The following JPH3 variants were observed in gnomAD, a reference collection of about 807,000 sequenced individuals.
JPH3 encodes the protein junctophilin-3.
In JPH3, 11 loss-of-function variants were observed where a neutral mutation model predicts 59.6. That is an observed-to-expected ratio of 0.18 (90% CI 0.12 to 0.31). The LOEUF (loss-of-function observed/expected upper bound fraction) is 0.31, where lower values mean the gene tolerates loss of function less well. Ranked by LOEUF, JPH3 falls within the 10% of genes least tolerant of loss-of-function variation. The pLI is 1.00. For missense variants in JPH3, 1,202 were observed against 1,105.7 expected, an observed-to-expected ratio of 1.09 and a Z score of -1.24; for synonymous variants, 673 against 483.6, an observed-to-expected ratio of 1.39 and a Z score of -5.14.
intron 2 of JPH3, among the ~76,000 whole-genome samples, chr16:87,646,003 C>T (rs2032135482): frequency 1.3e-5 from 2 of 152,220 alleles, no homozygotes; most frequent in African/African-American, 4.8e-5. Context: ...CAGACGAGGG[C>T]CCTTGGGGTA....
At chr16:87,629,150 G>T (rs370624075) in intron 1 of JPH3, among the ~76,000 whole-genome samples, 13 of 152,092 alleles carry the variant, frequency 8.5e-5, no homozygotes, top group African/African-American at 2.7e-4. Context: ...TGTGTCATGG[G>T]GAAGTGACTC....
chr16:87,633,317 C>CT (rs1292222195), intron 1 of JPH3, among the ~76,000 whole-genome samples: 1 of 142,680 alleles, frequency 7.0e-6, no homozygotes, highest in East Asian at 2.2e-4. Flanking sequence ...TCAGCCACCT[C>CT]TTTAAAGACC....
At chr16:87,680,569 T>C (rs952635833) in intron 2 of JPH3, among the ~76,000 whole-genome samples, 12 of 152,210 alleles carry the variant, frequency 7.9e-5, no homozygotes, top group African/African-American at 2.9e-4. Context: ...GTAACGTGAC[T>C]AGGTGGAGGC....
At chr16:87,618,284 A>T (rs1381250056) in intron 1 of JPH3, among the ~76,000 whole-genome samples, 1 of 152,220 alleles carries the variant, frequency 6.6e-6, no homozygotes. Flanking sequence ...CCAGGACTCG[A>T]GAAGTGGGCA....
chr16:87,696,040 G>A (rs776038502), intron 4 of JPH3: 84 of 456,082 alleles, frequency 1.8e-4, no homozygotes, highest in Middle Eastern at 6.5e-4. Context: ...GGCGTGAGGG[G>A]TTTGTTGAGG....
intron 2 of JPH3, among the ~76,000 whole-genome samples, chr16:87,648,734 C>A (rs2032235099): frequency 1.3e-5 from 2 of 152,164 alleles, no homozygotes; most frequent in African/African-American, 4.8e-5. Context: ...GGATGGATAC[C>A]CTCCTCGGCC....
At position 87,690,326 on chromosome 16, in the gene JPH3, C is replaced by G; in HGVS notation, c.1966C>G (p.Arg656Gly). Residue 656 changes from arginine (R) to glycine (G), a missense_variant, in exon 4 of 5, where the codon CGG becomes GGG. Coordinates refer to ENST00000284262, the MANE Select transcript of JPH3 (RefSeq NM_020655.4). ...CCGGGGCTTCGGGGTGCAGAGACTGCGGTCCAAGGCCCAGAACAAGGAGAA... is the reference window on the plus strand; with the variant it reads ...CCGGGGCTTCGGGGTGCAGAGACTGGGGTCCAAGGCCCAGAACAAGGAGAA... ...EDRGFGVQRL[R>G]SKAQNKENFR... 1 of 1,586,646 alleles carries G rather than the reference C, an allele frequency of 6.3e-7. No individual in the cohort carries two copies. Among genetic ancestry groups the G allele is most frequent in the Non-Finnish European group, 8.6e-7 (1 of 1,167,616 alleles).
At chr16:87,604,393 C>G (rs932576762) in intron 1 of JPH3, 1 of 1,426,760 alleles carries the variant, frequency 7.0e-7, no homozygotes, top group Non-Finnish European at 9.3e-7. Context: ...CTGGACTCTC[C>G]GATATCCACT....
At chr16:87,656,127 G>C (rs2032494028) in intron 2 of JPH3, among the ~76,000 whole-genome samples, 1 of 152,346 alleles carries the variant, frequency 6.6e-6, no homozygotes, top group South Asian at 2.1e-4. Flanking sequence ...CCCAGTGTAT[G>C]CTGTGAGCCA....
At chr16:87,652,925 T>A (rs1279782095) in intron 2 of JPH3, among the ~76,000 whole-genome samples, 1 of 152,228 alleles carries the variant, frequency 6.6e-6, no homozygotes, top group Non-Finnish European at 1.5e-5. Flanking sequence ...AATTGGTGGC[T>A]GCGTTGAGAA....
intron 2 of JPH3, among the ~76,000 whole-genome samples, chr16:87,666,897 A>G (rs1010682757): frequency 3.9e-5 from 6 of 152,204 alleles, no homozygotes; most frequent in African/African-American, 1.4e-4. Flanking sequence ...CAGGGCTGGG[A>G]TCTGAACCCA....
Position 87,644,715 on chromosome 16 carries a change from C to T in JPH3, c.840C>T (p.Ile280=), listed in dbSNP as rs147830852. Residue 280 remains isoleucine (I), a synonymous_variant, in exon 2 of 5, where the codon ATC becomes ATT. Transcript: ENST00000284262. Reference sequence around the variant, plus strand: ...AGCTGGCGGTCATCGAGGACGACATCGACGCCACCACCACCGAGACCTACG... The same window carrying T: ...AGCTGGCGGTCATCGAGGACGACATTGACGCCACCACCACCGAGACCTACG... ...EAELAVIEDD[I]DATTTETYVG... The T allele has an allele frequency of 2.8e-4, 442 of 1,601,762 alleles. No individual in the cohort carries two copies. Among genetic ancestry groups the T allele is most frequent in the Middle Eastern group, 5.0e-4 (3 of 6,054 alleles).
chr16:87,661,015 CATA>C (rs1274046341), intron 2 of JPH3, among the ~76,000 whole-genome samples: 1 of 152,224 alleles, frequency 6.6e-6, no homozygotes, highest in Admixed American at 6.5e-5. Flanking sequence ...TTTGTATGCA[CATA>C]ATGAGATATC....
chr16:87,640,485 G>C lies in JPH3; in HGVS notation c.383-3773G>C, dbSNP rs560978240. On this transcript the variant is annotated intron_variant, in intron 1 of 4. Coordinates refer to ENST00000284262, the MANE Select transcript of JPH3 (RefSeq NM_020655.4). ...TGCTCACTGTAACCTCCACCTCCCAGGTTCAAGTGATCCTCCTGCCTCAGC... is the reference window on the plus strand; with the variant it reads ...TGCTCACTGTAACCTCCACCTCCCACGTTCAAGTGATCCTCCTGCCTCAGC... 7.6e-4 allele frequency among the ~76,000 whole-genome samples: 116 copies of C among 151,964 alleles called. 2 individuals carry two copies. Among genetic ancestry groups the C allele is most frequent in the African/African-American group, 2.7e-3 (111 of 41,486 alleles).
rs1214010713 is a variant in JPH3 at position 87,684,435 on chromosome 16, CA to C, written c.1285+171del. The C allele has an allele frequency of 5.3e-6, 6 of 1,128,438 alleles. No homozygotes were observed. In the African/African-American group the frequency reaches 7.8e-5, roughly 15 times the overall value. The allele number at this position is 1,128,438 out of a possible 1,614,324, so 69.9% of individuals were successfully genotyped here. The stretch of plus-strand genomic sequence containing the variant: ...TCCCGCCGAAGGTGCTTGTTTGTGC[CA>C]AGGCCTGGCCTGGCTCCCCGGGACA... On this transcript the variant is annotated intron_variant, in intron 3 of 4. Coordinates refer to ENST00000284262, the MANE Select transcript of JPH3 (RefSeq NM_020655.4).
intron 1 of JPH3, among the ~76,000 whole-genome samples, chr16:87,632,187 C>T (rs1012967460): frequency 2.0e-5 from 3 of 152,140 alleles, no homozygotes; most frequent in Non-Finnish European, 4.4e-5. Flanking sequence ...ATAAAGTAAT[C>T]CTCCCTGTTT....
At chr16:87,628,956 A>T (rs757138601) in intron 1 of JPH3, among the ~76,000 whole-genome samples, 12 of 152,158 alleles carry the variant, frequency 7.9e-5, no homozygotes, top group Non-Finnish European at 1.8e-4. Context: ...GGGTCCACAA[A>T]TCAGCCAGAG....
intron 1 of JPH3, among the ~76,000 whole-genome samples, chr16:87,634,732 C>A (rs1474597475): frequency 6.6e-6 from 1 of 152,210 alleles, no homozygotes; most frequent in East Asian, 1.9e-4. Context: ...ATCAGTGGTC[C>A]AGTCCAGAAC....
chr16:87,689,507 C>A, intron 3 of JPH3, 139 bp from the exon 4 acceptor site: 1 of 940,550 alleles, frequency 1.1e-6, no homozygotes, highest in Non-Finnish European at 1.6e-6. Flanking sequence ...ACTCCCCTCC[C>A]TTGCCTGCAG....
Sources: allele counts gnomAD v4.1 joint callset (sites outside exome capture counted in the v4.1 genomes callset), GRCh38; gene constraint gnomAD v4.1.1; transcripts MANE v1.5; gene names NCBI Gene and HGNC (gene_info 2026-07-23, HGNC 2026-07-21).